The following PTPRD variants were observed in gnomAD, a reference collection of about 807,000 sequenced individuals.
PTPRD encodes protein tyrosine phosphatase receptor type D.
A neutral mutation model predicts 214.5 loss-of-function variants in PTPRD; 34 were observed. That is an observed-to-expected ratio of 0.16 (90% CI 0.12 to 0.21). PTPRD has a LOEUF of 0.21. Ranked by LOEUF, PTPRD falls within the 10% of genes least tolerant of loss-of-function variation. PTPRD has a pLI of 1.00. For missense variants in PTPRD, 2,545 were observed against 2,398.7 expected (o/e 1.06, Z -1.27); for synonymous variants, 1,128 against 845.7 (o/e 1.33, Z -5.79).
intron 10 of PTPRD, among the ~76,000 whole-genome samples, chr9:9,170,322 A>C (rs2099911989): frequency 1.3e-5 from 2 of 152,280 alleles, no homozygotes; most frequent in Admixed American, 1.3e-4. Flanking sequence ...TTGTCCTTCA[A>C]ATTTTTACTT....
chr9:8,352,939 C>T (rs1036782998), intron 39 of PTPRD, among the ~76,000 whole-genome samples: 2 of 151,984 alleles, frequency 1.3e-5, no homozygotes, highest in African/African-American at 2.4e-5. Flanking sequence ...GGTGAAACCC[C>T]GTCTCTACTA....
At chr9:9,825,785 G>C (rs1161456169) in intron 5 of PTPRD, among the ~76,000 whole-genome samples, 27 of 151,334 alleles carry the variant, frequency 1.8e-4, no homozygotes. Context: ...TCTCCATTAT[G>C]TTACCACATT....
intron 12 of PTPRD, among the ~76,000 whole-genome samples, chr9:8,662,025 T>A (rs945843769): frequency 8.5e-5 from 13 of 152,284 alleles, no homozygotes; most frequent in African/African-American, 3.1e-4. Context: ...CAAGTGATCT[T>A]CTACCCTCAG....
intron 3 of PTPRD, among the ~76,000 whole-genome samples, chr9:10,128,205 G>T (rs1030316343): frequency 8.6e-5 from 13 of 152,046 alleles, no homozygotes; most frequent in Admixed American, 6.6e-5. Context: ...GCTATAGGTT[G>T]AATTGTGTAC....
intron 7 of PTPRD, among the ~76,000 whole-genome samples, chr9:9,689,756 G>A (rs184527811): frequency 2.0e-5 from 3 of 151,750 alleles, no homozygotes; most frequent in Non-Finnish European, 4.4e-5. Flanking sequence ...TTTTGTGTTT[G>A]GCTTATTTCA....
intron 11 of PTPRD, among the ~76,000 whole-genome samples, chr9:8,857,056 C>A (rs2154544510): frequency 6.6e-6 from 1 of 152,284 alleles, no homozygotes; most frequent in South Asian, 2.1e-4. Flanking sequence ...GTTAAGTACA[C>A]CAGATTCCCG....
At chr9:9,019,320 GA>G (rs769010695) in intron 10 of PTPRD, among the ~76,000 whole-genome samples, 4 of 86,200 alleles carry the variant, frequency 4.6e-5, no homozygotes, top group Non-Finnish European at 7.3e-5. Context: ...AAGAAAGAAA[GA>G]AAGAAAGAAA....
At chr9:8,561,487 C>G (rs1029556078) in intron 14 of PTPRD, among the ~76,000 whole-genome samples, 1 of 152,102 alleles carries the variant, frequency 6.6e-6, no homozygotes, top group South Asian at 2.1e-4. Context: ...TGAGTACAAA[C>G]TATAACACAG....
chr9:9,085,862 C>T lies in PTPRD; in HGVS notation c.-142-67127G>A, dbSNP rs76133230. 7.5e-3 allele frequency among the ~76,000 whole-genome samples: 1,137 copies of T among 152,198 alleles called. 12 individuals are homozygous for T. The highest frequency in any genetic ancestry group is 0.026 in the African/African-American group (1,059 of 41,520). ...GCCTCTCGAATCTAGAGAAGTCTTC[C>T]GCTCAGGCTGAAATTGTCCCCAGGA... On this transcript the variant is annotated intron_variant, in intron 10 of 45. Transcript: ENST00000381196.
At chr9:10,148,463 ATT>A (rs1290502183) in intron 3 of PTPRD, among the ~76,000 whole-genome samples, 1 of 152,178 alleles carries the variant, frequency 6.6e-6, no homozygotes, top group Non-Finnish European at 1.5e-5. Context: ...CTTCAATATG[ATT>A]AGGCAGCTCT....
intron 4 of PTPRD, among the ~76,000 whole-genome samples, chr9:10,009,517 A>T (rs896732529): frequency 1.3e-5 from 2 of 151,924 alleles, no homozygotes; most frequent in Non-Finnish European, 2.9e-5. Context: ...AAGCAATAGA[A>T]AGGAGTGTCT....
chr9:9,757,867 G>A (rs1242547947), intron 6 of PTPRD, among the ~76,000 whole-genome samples: 1 of 151,974 alleles, frequency 6.6e-6, no homozygotes, highest in Admixed American at 6.6e-5. Flanking sequence ...TTACCAGCCT[G>A]CCATTATTGA....
intron 7 of PTPRD, among the ~76,000 whole-genome samples, chr9:9,612,832 T>C (rs1022173185): frequency 1.3e-5 from 2 of 152,100 alleles, no homozygotes; most frequent in African/African-American, 4.8e-5. Context: ...TAGTGTGTGA[T>C]TACATATTCA....
intron 10 of PTPRD, among the ~76,000 whole-genome samples, chr9:9,142,016 C>G (rs1212307208): frequency 6.6e-6 from 1 of 152,196 alleles, no homozygotes; most frequent in African/African-American, 2.4e-5. Context: ...TAGCGATTAT[C>G]TTAGTAGAGC....
chr9:9,987,540 C>T (rs779864446), intron 4 of PTPRD, among the ~76,000 whole-genome samples: 2 of 152,046 alleles, frequency 1.3e-5, no homozygotes, highest in Non-Finnish European at 2.9e-5. Context: ...ACGAGAACAG[C>T]ACGGGAAAGA....
chr9:10,203,511 T>C (rs975795613), intron 3 of PTPRD, among the ~76,000 whole-genome samples: 3 of 152,132 alleles, frequency 2.0e-5, no homozygotes, highest in African/African-American at 4.8e-5. Flanking sequence ...AAGGCATCTA[T>C]ATTTTAAAAG....
intron 8 of PTPRD, among the ~76,000 whole-genome samples, chr9:9,427,962 C>T (rs943216994): frequency 4.6e-5 from 7 of 152,090 alleles, no homozygotes; most frequent in South Asian, 2.1e-4. Context: ...AAAGACATGC[C>T]GAATTGTAAA....
chr9:9,576,971 C>A (rs9408771), intron 7 of PTPRD, among the ~76,000 whole-genome samples: 3 of 151,746 alleles, frequency 2.0e-5, no homozygotes, highest in Admixed American at 2.0e-4. Context: ...ATATTTGAAA[C>A]TGAATATTTT....
intron 3 of PTPRD, among the ~76,000 whole-genome samples, chr9:10,097,979 C>T (rs1220664893): frequency 1.3e-5 from 2 of 151,794 alleles, no homozygotes; most frequent in East Asian, 1.9e-4. Flanking sequence ...TTGACCCAGC[C>T]ATCCCATTAC....
Sources: allele counts gnomAD v4.1 joint callset (sites outside exome capture counted in the v4.1 genomes callset), GRCh38; gene constraint gnomAD v4.1.1; transcripts MANE v1.5; gene names NCBI Gene and HGNC (gene_info 2026-07-23, HGNC 2026-07-21).